Variants in KIAA0825 observed in about 807,000 individuals in gnomAD.
The protein encoded by KIAA0825 is uncharacterized protein KIAA0825.
In KIAA0825, 119 loss-of-function variants were observed where a neutral mutation model predicts 147.6. The observed-to-expected ratio is 0.81, with a 90% CI of 0.69 to 0.94. The LOEUF (loss-of-function observed/expected upper bound fraction) is 0.94. Among genes scored for constraint, KIAA0825 ranks in the 40% least tolerant of loss-of-function variants. KIAA0825 has a pLI of 0.00. For synonymous variants in KIAA0825, 470 were observed against 518.1 expected (o/e 0.91, Z 1.26); for missense variants, 1,381 against 1,472.7 (o/e 0.94, Z 1.02).
intron 18 of KIAA0825, 115 bp downstream of exon 18, chr5:94,391,420 T>C: frequency 6.4e-6 from 6 of 943,698 alleles, no homozygotes; most frequent in Non-Finnish European, 9.6e-6. Context: ...CAATATTGAG[T>C]TTGGTATTGA....
intron 20 of KIAA0825, among the ~76,000 whole-genome samples, chr5:94,237,750 T>G (rs148688543): frequency 1.9e-4 from 29 of 152,290 alleles, no homozygotes; most frequent in Admixed American, 1.1e-3. Flanking sequence ...ACAAGTAGTA[T>G]TATAATTGTT....
At chr5:94,278,153 C>A (rs1283374505) in intron 20 of KIAA0825, among the ~76,000 whole-genome samples, 2 of 152,012 alleles carry the variant, frequency 1.3e-5, no homozygotes, top group Non-Finnish European at 2.9e-5. Context: ...AGGACAAATA[C>A]CTAATGCATG....
intron 20 of KIAA0825, among the ~76,000 whole-genome samples, chr5:94,379,619 A>G (rs1584315572): frequency 6.6e-6 from 1 of 152,032 alleles, no homozygotes; most frequent in Non-Finnish European, 1.5e-5. Flanking sequence ...AAAATAACTA[A>G]TTCTGTGAAG....
intron 20 of KIAA0825, among the ~76,000 whole-genome samples, chr5:94,326,926 T>C (rs1780752100): frequency 6.6e-6 from 1 of 152,160 alleles, no homozygotes; most frequent in South Asian, 2.1e-4. Context: ...TGTGGTGACA[T>C]CATGACAATA....
chr5:94,486,905 TC>T (rs1346724809), intron 5 of KIAA0825, among the ~76,000 whole-genome samples: 1 of 152,312 alleles, frequency 6.6e-6, no homozygotes, highest in Middle Eastern at 3.4e-3. Context: ...TAAGAATCCC[TC>T]CTAATTCTTT....
chr5:94,400,120 T>C (rs1329634048), intron 16 of KIAA0825, among the ~76,000 whole-genome samples: 1 of 152,096 alleles, frequency 6.6e-6, no homozygotes. Flanking sequence ...ATGGCATTTA[T>C]TTTTCAGTGT....
intron 20 of KIAA0825, among the ~76,000 whole-genome samples, chr5:94,235,233 C>G (rs1405583375): frequency 1.3e-5 from 2 of 152,148 alleles, no homozygotes; most frequent in East Asian, 1.9e-4. Flanking sequence ...GCAAACGAAA[C>G]ATTTTTAAAG....
In KIAA0825 at chr5:94,524,002, A is replaced by T. The variant is rs1768765944; in HGVS notation, c.228T>A (p.Thr76=). ...ATTCAGATGTACTGTAATTATAGTTAGTTAGCCATTCAAAGCAGTCAGTTG... is the reference window on the plus strand; with the variant it reads ...ATTCAGATGTACTGTAATTATAGTTTGTTAGCCATTCAAAGCAGTCAGTTG... ...QTTTDCFEWL[T]NYNYSTSESS... Residue 76 remains threonine (T), a synonymous_variant, in exon 4 of 21, where the codon ACT becomes ACA. Coordinates refer to ENST00000682413, the MANE Select transcript of KIAA0825 (RefSeq NM_001145678.3). 1 of 1,609,566 alleles carries T rather than the reference A, an allele frequency of 6.2e-7. No homozygotes were observed. The highest frequency in any genetic ancestry group is 1.1e-5 in the South Asian group (1 of 90,782).
intron 2 of KIAA0825, among the ~76,000 whole-genome samples, chr5:94,543,152 A>G (rs755481675): frequency 5.3e-5 from 8 of 152,198 alleles, no homozygotes; most frequent in Non-Finnish European, 1.2e-4. Flanking sequence ...TGGCTTTAAA[A>G]AAGTCTTGAG....
intron 6 of KIAA0825, among the ~76,000 whole-genome samples, chr5:94,479,538 T>C (rs1000555347): frequency 4.6e-5 from 7 of 152,172 alleles, no homozygotes; most frequent in Non-Finnish European, 7.4e-5. Context: ...TTGGCAGTTA[T>C]GAATAACGCT....
At chr5:94,346,935 ACT>A (rs1783068248) in intron 20 of KIAA0825, among the ~76,000 whole-genome samples, 1 of 151,860 alleles carries the variant, frequency 6.6e-6, no homozygotes, top group African/African-American at 2.4e-5. Flanking sequence ...AGCCTGTATG[ACT>A]CTGCCTGGAA....
rs182315443 is a variant in KIAA0825 at position 94,271,713 on chromosome 5, C to T, written c.3710+112655G>A. 3.2e-3 allele frequency among the ~76,000 whole-genome samples: 494 copies of T among 152,224 alleles called. 1 individual carries two copies. Among genetic ancestry groups the T allele is most frequent in the African/African-American group, 0.012 (481 of 41,528 alleles). On this transcript the variant is annotated intron_variant, in intron 20 of 20. Coordinates refer to ENST00000682413, the MANE Select transcript of KIAA0825 (RefSeq NM_001145678.3). ...AGTGAGCTGAGACCAGGCCACTGCA[C>T]TCCAGCCTGGGTAACAGAGTGAGGT... is the stretch of plus-strand genomic sequence containing the variant.
rs1584383526 is a variant in KIAA0825, at chr5:94,401,123, C to A, written c.2887+2446G>T. Among the ~76,000 whole-genome samples, 3 of 152,030 alleles carry A rather than the reference C, an allele frequency of 2.0e-5. No homozygotes were observed. The South Asian group carries it at 6.2e-4, about 32-fold the overall frequency. ...TGTTTTGGATACTTAGTGTAGAAAT[C>A]TTTTGTTTATCAAGATGACTCCAAA... is the stretch of plus-strand genomic sequence containing the variant. On this transcript the variant is annotated intron_variant, in intron 16 of 20. Transcript: ENST00000682413.
intron 20 of KIAA0825, among the ~76,000 whole-genome samples, chr5:94,329,825 C>T (rs1247319838): frequency 6.6e-6 from 1 of 151,564 alleles, no homozygotes; most frequent in African/African-American, 2.4e-5. Flanking sequence ...TAAAATAAGC[C>T]AGCACACAAA....
intron 20 of KIAA0825, among the ~76,000 whole-genome samples, chr5:94,333,270 T>C (rs79256949): frequency 3.5e-4 from 53 of 152,142 alleles, no homozygotes; most frequent in Middle Eastern, 3.4e-3. Flanking sequence ...GTTGCAATTG[T>C]TTTTGGTGTT....
intron 1 of KIAA0825, among the ~76,000 whole-genome samples, chr5:94,599,458 C>G (rs951905076): frequency 6.9e-6 from 1 of 143,918 alleles, no homozygotes; most frequent in African/African-American, 2.6e-5. Context: ...CACTAAATAT[C>G]AACATACAAA....
intron 20 of KIAA0825, among the ~76,000 whole-genome samples, chr5:94,314,816 G>A (rs1174005127): frequency 6.6e-6 from 1 of 151,522 alleles, no homozygotes; most frequent in Non-Finnish European, 1.5e-5. Context: ...AAAGGCCGGC[G>A]TGTATATTCT....
At chr5:94,471,443 A>C in intron 9 of KIAA0825, 23 bp downstream of exon 9, 1 of 1,546,976 alleles carries the variant, frequency 6.5e-7, no homozygotes, top group Non-Finnish European at 8.7e-7. Context: ...CGTGGCCATC[A>C]TCTTAATTTA....
At position 94,332,070 on chromosome 5, in the gene KIAA0825, G is replaced by T. The variant is rs564110767; in HGVS notation, c.3710+52298C>A. Reference sequence around the variant, plus strand: ...CCAGCTACTTGGGAGGCTGAGGCAAGAGAATCACTTGAACCTGGAGGCAGA... The same window carrying T: ...CCAGCTACTTGGGAGGCTGAGGCAATAGAATCACTTGAACCTGGAGGCAGA... On this transcript the variant is annotated intron_variant, in intron 20 of 20. Transcript: ENST00000682413. Among the ~76,000 whole-genome samples, 3 of 149,204 alleles carry T rather than the reference G, an allele frequency of 2.0e-5. No individual in the cohort carries two copies. In the South Asian group the frequency reaches 6.4e-4, roughly 32 times the overall value.
Sources: allele counts gnomAD v4.1 joint callset (sites outside exome capture counted in the v4.1 genomes callset), GRCh38; gene constraint gnomAD v4.1.1; transcripts MANE v1.5; gene names NCBI Gene and HGNC (gene_info 2026-07-23, HGNC 2026-07-21).